The following GDPD5 variants were observed in gnomAD, a reference collection of about 807,000 sequenced individuals.
GDPD5 encodes glycerophosphodiester phosphodiesterase domain containing 5.
Under a neutral mutation model 75.1 loss-of-function variants are expected in GDPD5, and 48 were observed. The observed-to-expected ratio is 0.64, with a 90% CI of 0.51 to 0.81. The LOEUF (loss-of-function observed/expected upper bound fraction) is 0.81, where lower values mean the gene tolerates loss of function less well. Ranked by LOEUF, GDPD5 falls within the 40% of genes least tolerant of loss-of-function variation. The probability of loss-of-function intolerance (pLI) is 0.00; values close to 1 mark genes in which losing one functional copy is unlikely to be tolerated. For synonymous variants in GDPD5, 336 were observed against 339.0 expected (o/e 0.99, Z 0.10); for missense variants, 706 against 822.6 (o/e 0.86, Z 1.73).
Position 75,525,941 on chromosome 11 carries a change from C to G in GDPD5, c.-876G>C. The G allele has an allele frequency of 6.6e-6, 1 of 150,622 alleles. No individual in the cohort carries two copies. Among genetic ancestry groups the G allele is most frequent in the South Asian group, 2.1e-4 (1 of 4,812 alleles). The allele number at this position is 150,622 out of a possible 1,614,324, so 9.3% of individuals were successfully genotyped here. A position where few individuals can be genotyped will look rare whatever the true frequency, so the allele number is the denominator to read the frequency against. The stretch of plus-strand genomic sequence containing the variant: ...ACCGGAGCCGCAGCCCGAGCTCAGC[C>G]GAAACAGCGCCGCCCAGCGCCCCAG... On this transcript the variant is annotated 5_prime_UTR_variant, in exon 1 of 17. Transcript: ENST00000336898.
Position 75,496,980 on chromosome 11 carries a change from G to A in GDPD5, c.-144-6660C>T, listed in dbSNP as rs1165774467. ...ATTTTTTTTGTAGAGACGGGGTTTT[G>A]CCATGTTGCCCAGGCTGGTCTTGAA... On this transcript the variant is annotated intron_variant, in intron 1 of 16. Coordinates refer to ENST00000336898, the MANE Select transcript of GDPD5 (RefSeq NM_030792.8). Among the ~76,000 whole-genome samples the A allele has an allele frequency of 2.0e-5, 3 of 151,726 alleles. No homozygotes were observed. In the East Asian group the frequency reaches 5.8e-4, roughly 30 times the overall value.
chr11:75,446,677 G>C (rs1333808598), intron 9 of GDPD5, among the ~76,000 whole-genome samples: 1 of 152,144 alleles, frequency 6.6e-6, no homozygotes, highest in Non-Finnish European at 1.5e-5. Context: ...ACAGAGATGT[G>C]CACTTGGGCT....
At chr11:75,482,659 C>T (rs1346143440) in intron 2 of GDPD5, among the ~76,000 whole-genome samples, 2 of 152,220 alleles carry the variant, frequency 1.3e-5, no homozygotes, top group Admixed American at 1.3e-4. Context: ...TCCTAACAGG[C>T]AGTGACCGGG....
intron 3 of GDPD5, among the ~76,000 whole-genome samples, chr11:75,464,922 C>T (rs527241590): frequency 1.3e-5 from 2 of 152,142 alleles, no homozygotes; most frequent in African/African-American, 2.4e-5. Context: ...CCCATGGAGG[C>T]AGTCTGGGTC....
At chr11:75,441,578 G>A (rs1245844272) in intron 13 of GDPD5, 68 bp downstream of exon 13, 7 of 1,383,732 alleles carry the variant, frequency 5.1e-6, no homozygotes, top group South Asian at 2.7e-5. Flanking sequence ...GTTGGGGGGT[G>A]GTGGTGGCAG....
intron 13 of GDPD5, 91 bp downstream of exon 13, chr11:75,441,555 T>TGG: frequency 8.1e-7 from 1 of 1,231,982 alleles, no homozygotes; most frequent in Non-Finnish European, 1.1e-6. Flanking sequence ...TGTGTGTGTG[T>TGG]GTGTGTGTGT....
intron 14 of GDPD5, 55 bp from the exon 15 acceptor site, chr11:75,440,016 C>T (rs1948743042): frequency 5.7e-6 from 8 of 1,401,790 alleles, no homozygotes; most frequent in Non-Finnish European, 6.0e-6. Flanking sequence ...CAGACTGAGG[C>T]TCCAGACTGA....
At chr11:75,473,067 G>A (rs1949703720) in intron 3 of GDPD5, among the ~76,000 whole-genome samples, 1 of 151,976 alleles carries the variant, frequency 6.6e-6, no homozygotes, top group Admixed American at 6.6e-5. Flanking sequence ...GAAGGGTGAG[G>A]TTATCCTGTG....
intron 2 of GDPD5, among the ~76,000 whole-genome samples, chr11:75,485,078 A>G (rs1478090940): frequency 1.3e-5 from 2 of 152,252 alleles, no homozygotes; most frequent in East Asian, 1.9e-4. Flanking sequence ...GCTAAGTGAC[A>G]GAAGCCAATC....
At chr11:75,442,626 TG>T in intron 11 of GDPD5, 45 bp from the exon 12 acceptor site, 1 of 1,590,410 alleles carries the variant, frequency 6.3e-7, no homozygotes, top group Non-Finnish European at 8.6e-7. Context: ...ATCAGCCCTT[TG>T]GGGGCCCCCA....
intron 1 of GDPD5, among the ~76,000 whole-genome samples, chr11:75,516,473 A>T (rs1320446653): frequency 6.6e-6 from 1 of 152,218 alleles, no homozygotes; most frequent in Non-Finnish European, 1.5e-5. Context: ...TCCTCTGTCC[A>T]GTCCTCAGAG....
At chr11:75,517,259 A>G (rs1950657288) in intron 1 of GDPD5, 1 of 152,136 alleles carries the variant, frequency 6.6e-6, no homozygotes, top group South Asian at 2.1e-4. Context: ...GTTTGAGACC[A>G]GCCTAACCAA....
At chr11:75,441,610 A>G (rs1440388529) in intron 13 of GDPD5, 36 bp downstream of exon 13, 1 of 1,517,976 alleles carries the variant, frequency 6.6e-7, no homozygotes, top group East Asian at 2.5e-5. Context: ...ACTCAGTCCC[A>G]CCCTCTCCTG....
intron 1 of GDPD5, among the ~76,000 whole-genome samples, chr11:75,498,169 G>C (rs1203432403): frequency 2.0e-5 from 3 of 152,182 alleles, no homozygotes; most frequent in Non-Finnish European, 2.9e-5. Context: ...GATGTCACAG[G>C]GGACAGGAGA....
chr11:75,482,460 C>A (rs1949939025), intron 2 of GDPD5, among the ~76,000 whole-genome samples: 1 of 152,190 alleles, frequency 6.6e-6, no homozygotes, highest in Non-Finnish European at 1.5e-5. Context: ...AGCGGTGTCA[C>A]CCAGGCCTTG....
chr11:75,437,061 C>A lies in GDPD5; in HGVS notation c.1557-13G>T. On this transcript the variant is annotated splice_polypyrimidine_tract_variant and intron_variant, in intron 15 of 16. Coordinates refer to ENST00000336898, the MANE Select transcript of GDPD5 (RefSeq NM_030792.8). ...ACCCAGGCGCCACCTGCAGAGATGG[C>A]CCCGTGGGCATCAGGTCTCTCCTCA... 2 of 1,603,524 alleles carry A rather than the reference C, an allele frequency of 1.2e-6. No individual in the cohort carries two copies. The highest frequency in any genetic ancestry group is 1.7e-6 in the Non-Finnish European group (2 of 1,171,864).
intron 1 of GDPD5, among the ~76,000 whole-genome samples, chr11:75,514,553 A>G (rs1950598349): frequency 6.6e-6 from 1 of 152,220 alleles, no homozygotes; most frequent in South Asian, 2.1e-4. Flanking sequence ...AAGAGTTAGG[A>G]TGATGCACCC....
At chr11:75,495,207 C>T (rs1471968968) in intron 1 of GDPD5, among the ~76,000 whole-genome samples, 3 of 151,830 alleles carry the variant, frequency 2.0e-5, no homozygotes, top group Non-Finnish European at 2.9e-5. Context: ...GTAGAGGTTG[C>T]AGTGAGCCAA....
At chr11:75,455,005 G>A (rs182862288) in intron 6 of GDPD5, among the ~76,000 whole-genome samples, 63 of 152,266 alleles carry the variant, frequency 4.1e-4, no homozygotes, top group Admixed American at 4.1e-3. Flanking sequence ...GGGGCGGGTC[G>A]AGCTCTGGGT....
Sources: allele counts gnomAD v4.1 joint callset (sites outside exome capture counted in the v4.1 genomes callset), GRCh38; gene constraint gnomAD v4.1.1; transcripts MANE v1.5; gene names NCBI Gene and HGNC (gene_info 2026-07-23, HGNC 2026-07-21).